Variants in NUP93 observed in about 807,000 individuals in gnomAD.
NUP93 encodes the protein nuclear pore complex protein Nup93.
A neutral mutation model predicts 107.8 loss-of-function variants in NUP93; 55 were observed. The ratio of observed to expected loss-of-function variants is 0.51; its 90% CI spans 0.41 to 0.64. The LOEUF is 0.64. Ranked by LOEUF, NUP93 falls within the 30% of genes least tolerant of loss-of-function variation. The pLI, the probability that NUP93 is intolerant of heterozygous loss-of-function variation, is 0.00. For synonymous variants in NUP93, 390 were observed against 397.5 expected (o/e 0.98, Z 0.22); for missense variants, 937 against 1,044.7 (o/e 0.90, Z 1.42).
intron 5 of NUP93, among the ~76,000 whole-genome samples, chr16:56,816,125 G>GT (rs1263837641): frequency 6.6e-6 from 1 of 152,174 alleles, no homozygotes; most frequent in East Asian, 1.9e-4. Context: ...ATTGCTTCGC[G>GT]TCTCTGTGTG....
intron 2 of NUP93, among the ~76,000 whole-genome samples, chr16:56,750,894 C>T (rs1345024703): frequency 2.6e-5 from 4 of 152,136 alleles, no homozygotes; most frequent in African/African-American, 9.7e-5. Context: ...TGCCGTGGCT[C>T]ATGCCTGTGA....
intron 5 of NUP93, among the ~76,000 whole-genome samples, chr16:56,807,961 C>A (rs771173649): frequency 6.7e-6 from 1 of 149,804 alleles, no homozygotes; most frequent in Non-Finnish European, 1.5e-5. Context: ...AGTCGGAGGT[C>A]GCAGTGAGCT....
At position 56,846,102 on chromosome 16, in the gene NUP93, A is replaced by G. The variant is rs913628123; in HGVS notation, c.*1493A>G. The G allele has an allele frequency of 6.6e-6, 1 of 152,224 alleles. No individual in the cohort carries two copies. The highest frequency in any genetic ancestry group is 1.5e-5 in the Non-Finnish European group (1 of 68,070). The allele number at this position is 152,224 out of a possible 1,614,324, so 9.4% of individuals were successfully genotyped here. The stretch of plus-strand genomic sequence containing the variant: ...TGATTTAAGCTAATCAAATGATTTA[A>G]TAGTGCTTTTTAAAAAAGAGTACTC... On this transcript the variant is annotated 3_prime_UTR_variant, in exon 22 of 22. Transcript: ENST00000308159.
chr16:56,805,364 A>T, intron 4 of NUP93, 140 bp from the exon 5 acceptor site: 1 of 887,516 alleles, frequency 1.1e-6, no homozygotes. Flanking sequence ...TTCTTCAAAG[A>T]TAATTTTTAA....
intron 5 of NUP93, among the ~76,000 whole-genome samples, chr16:56,806,899 C>A (rs1270763594): frequency 2.0e-5 from 3 of 152,184 alleles, no homozygotes; most frequent in Non-Finnish European, 4.4e-5. Context: ...CTGCTGACCA[C>A]TCTGGTCTTT....
chr16:56,743,927 T>A (rs1961779586), intron 1 of NUP93, among the ~76,000 whole-genome samples: 1 of 152,186 alleles, frequency 6.6e-6, no homozygotes, highest in Admixed American at 6.5e-5. Flanking sequence ...GCCCTGATAC[T>A]TTGCGATGCT....
intron 3 of NUP93, among the ~76,000 whole-genome samples, chr16:56,788,973 T>C (rs377135898): frequency 2.6e-5 from 4 of 152,362 alleles, no homozygotes; most frequent in African/African-American, 4.8e-5. Context: ...TATTTTTTTT[T>C]ACCCGATGCT....
At chr16:56,815,788 T>A (rs1462791524) in intron 5 of NUP93, among the ~76,000 whole-genome samples, 1 of 151,856 alleles carries the variant, frequency 6.6e-6, no homozygotes, top group East Asian at 1.9e-4. Context: ...CTAAGGAAAC[T>A]GAGGCTTAAA....
In NUP93 at chr16:56,848,952, AAG is replaced by A. The variant is rs34515749; in HGVS notation, c.*4346_*4347del. On this transcript the variant is annotated 3_prime_UTR_variant, in exon 22 of 22. Coordinates refer to ENST00000308159, the MANE Select transcript of NUP93 (RefSeq NM_014669.5). ...TGGTTCTAAGTTGCTAACCCAGGGA[AAG>A]AGGATATTTTCCTGTCCTAACCTTG... 0.15 allele frequency: 22,493 copies of A among 152,192 alleles called. 1,944 individuals are homozygous for A. The highest frequency in any genetic ancestry group is 0.19 in the Non-Finnish European group (13,067 of 67,986). The allele number at this position is 152,192 out of a possible 1,614,324, so 9.4% of individuals were successfully genotyped here.
At chr16:56,842,765 C>T (rs1300847494) in intron 21 of NUP93, 2 of 352,618 alleles carry the variant, frequency 5.7e-6, no homozygotes, top group South Asian at 2.1e-5. Context: ...GTTGCCCAGA[C>T]TGGTCTCGAA....
At chr16:56,794,093 G>GGT (rs1567391425) in intron 3 of NUP93, among the ~76,000 whole-genome samples, 3 of 86,944 alleles carry the variant, frequency 3.5e-5, no homozygotes, top group East Asian at 4.3e-4. Context: ...TAGGTAGGTA[G>GGT]ATAGATAGAT....
rs35226934 is a variant in NUP93 at position 56,821,575 on chromosome 16, C to T, written c.636C>T (p.Val212=). ...ACCTGGTGGACCTTTGTGCTTCCGT[C>T]GCAGAGCTCGATGATAAGGTAGCAC... The part of the protein sequence containing the change: ...QPNLVDLCAS[V]AELDDKSISD... The change falls in exon 7 of 22, where the codon GTC becomes GTT. Residue 212 remains valine, a synonymous_variant. Coordinates refer to ENST00000308159, the MANE Select transcript of NUP93 (RefSeq NM_014669.5). 1,340 of 1,612,424 alleles carry T rather than the reference C, an allele frequency of 8.3e-4. 10 individuals carry two copies. In the African/African-American group the frequency reaches 0.015, roughly 18 times the overall value.
In NUP93 at chr16:56,850,036, AAC is replaced by A. The variant is rs1964158581; in HGVS notation, c.*5428_*5429del. On this transcript the variant is annotated 3_prime_UTR_variant, in exon 22 of 22. Coordinates refer to ENST00000308159, the MANE Select transcript of NUP93 (RefSeq NM_014669.5). Reference sequence around the variant, plus strand: ...TACAGCCTTTTCTCACTTGATCAGTAACTTGTGTTAGAAACTCAGTGGGGGAG... The same window carrying A: ...TACAGCCTTTTCTCACTTGATCAGTATTGTGTTAGAAACTCAGTGGGGGAG... 4 of 152,232 alleles carry A rather than the reference AAC, an allele frequency of 2.6e-5. No homozygotes were observed. In the South Asian group the frequency reaches 8.3e-4, roughly 31 times the overall value. 9.4% of individuals were successfully genotyped at this position (152,232 alleles called of 1,614,324 possible).
chr16:56,740,941 T>A (rs1398164167), intron 1 of NUP93: 2 of 168,600 alleles, frequency 1.2e-5, no homozygotes, highest in Non-Finnish European at 2.5e-5. Flanking sequence ...GGCAGGGAGG[T>A]TGCAGTGAGC....
At chr16:56,787,562 T>C (rs1962655922) in intron 3 of NUP93, among the ~76,000 whole-genome samples, 1 of 152,190 alleles carries the variant, frequency 6.6e-6, no homozygotes, top group African/African-American at 2.4e-5. Flanking sequence ...AATCTTGCTT[T>C]TGTTTCTTTT....
intron 3 of NUP93, among the ~76,000 whole-genome samples, chr16:56,774,357 G>T (rs1288918589): frequency 2.6e-5 from 4 of 152,096 alleles, no homozygotes; most frequent in African/African-American, 9.7e-5. Flanking sequence ...TGATTTCTCT[G>T]CCTTTTTCCC....
intron 5 of NUP93, among the ~76,000 whole-genome samples, chr16:56,808,775 AATAC>A (rs1963245075): frequency 6.9e-6 from 1 of 145,106 alleles, no homozygotes; most frequent in African/African-American, 2.5e-5. Context: ...CATATATATA[AATAC>A]ATATATAAAT....
intron 8 of NUP93, among the ~76,000 whole-genome samples, chr16:56,826,434 T>G (rs2087950306): frequency 6.6e-6 from 1 of 151,660 alleles, no homozygotes; most frequent in Admixed American, 6.6e-5. Flanking sequence ...GAGAATCACT[T>G]GAACCTGGGA....
intron 1 of NUP93, among the ~76,000 whole-genome samples, chr16:56,734,276 G>A (rs1390203000): frequency 2.0e-5 from 3 of 152,208 alleles, no homozygotes; most frequent in Non-Finnish European, 2.9e-5. Flanking sequence ...AATTAAGGGG[G>A]TTAGCTAGGT....
Sources: gnomAD v4.1 joint callset for allele counts (sites outside exome capture counted in the v4.1 genomes callset) on GRCh38, gnomAD v4.1.1 for gene constraint, MANE v1.5 for transcripts, NCBI Gene and HGNC (gene_info 2026-07-23, HGNC 2026-07-21) for gene names.